Variants in PCDHGB1 observed in about 807,000 individuals in gnomAD.
PCDHGB1 encodes protocadherin gamma subfamily B, 1.
PCDHGB1 carries 34 observed loss-of-function variants against 56.6 expected under a neutral mutation model. That is an observed-to-expected ratio of 0.60 (90% CI 0.46 to 0.80). PCDHGB1 has a LOEUF of 0.80. PCDHGB1 is among the 30% of genes least tolerant of loss of function. The pLI is 0.00. For synonymous variants in PCDHGB1, 561 were observed against 505.9 expected, an observed-to-expected ratio of 1.11 and a Z score of -1.46; for missense variants, 1,278 against 1,204.6, an observed-to-expected ratio of 1.06 and a Z score of -0.90.
intron 1 of PCDHGB1, among the ~76,000 whole-genome samples, chr5:141,435,921 C>T (rs767290430): frequency 1.3e-5 from 2 of 152,186 alleles, no homozygotes; most frequent in Admixed American, 6.5e-5. Context: ...CTCTAAAATG[C>T]GGCAGTTGCT....
At chr5:141,433,848 A>AAC (rs1403081382) in intron 1 of PCDHGB1, among the ~76,000 whole-genome samples, 1 of 151,964 alleles carries the variant, frequency 6.6e-6, no homozygotes, top group South Asian at 2.1e-4. Context: ...AAAAAAAAAA[A>AAC]AAAAAAACTT....
Position 141,486,515 on chromosome 5 carries a change from G to A in PCDHGB1, c.2410-8292G>A. ...AACTATTTTCCTCAATATTTCAGAT[G>A]TGAATGATAATCCACCCTCTTTCTT... On this transcript the variant is annotated intron_variant, in intron 1 of 3. Transcript: ENST00000523390. This position sits in a 1 kb window ranked among gnomAD's most constrained non-coding sequence, Gnocchi z 5.0. 1 of 1,614,172 alleles carries A rather than the reference G, an allele frequency of 6.2e-7. No individual in the cohort carries two copies. The highest frequency in any genetic ancestry group is 8.5e-7 in the Non-Finnish European group (1 of 1,180,026).
intron 1 of PCDHGB1, chr5:141,379,115 T>C (rs1775378962): frequency 6.6e-6 from 1 of 152,230 alleles, no homozygotes; most frequent in African/African-American, 2.4e-5. Context: ...ATTGAGAAGA[T>C]ACCTTGAAAA....
chr5:141,394,729 A>T (rs765609733), intron 1 of PCDHGB1: 44 of 1,613,302 alleles, frequency 2.7e-5, no homozygotes, highest in African/African-American at 4.0e-5. Flanking sequence ...GATGCGCTCA[A>T]GCAGAGCCTC....
chr5:141,429,572 T>C (rs1450720834), intron 1 of PCDHGB1, among the ~76,000 whole-genome samples: 1 of 152,226 alleles, frequency 6.6e-6, no homozygotes, highest in South Asian at 2.1e-4. Context: ...TTCAGTTACA[T>C]TTACTTTTGA....
intron 1 of PCDHGB1, among the ~76,000 whole-genome samples, chr5:141,402,017 A>G (rs1052839882): frequency 2.0e-5 from 3 of 152,210 alleles, no homozygotes; most frequent in African/African-American, 7.2e-5. Flanking sequence ...ATGCATTTGA[A>G]TCATTGAAAC....
chr5:141,366,170 C>A lies in PCDHGB1; in HGVS notation c.2409+13501C>A, dbSNP rs757055364. 12 of 1,614,082 alleles carry A rather than the reference C, an allele frequency of 7.4e-6. No individual in the cohort carries two copies. The South Asian group carries it at 1.1e-4, about 15-fold the overall frequency. On this transcript the variant is annotated intron_variant, in intron 1 of 3. Coordinates refer to ENST00000523390, the MANE Select transcript of PCDHGB1 (RefSeq NM_018922.3). ...CTACCGCCTGCTTAAGGCCAGCGAG[C>A]CAGGACTCTTTGCGGTTGGGCTGCA...
chr5:141,399,497 TACCCGAAAACA>T, intron 1 of PCDHGB1: 2 of 1,614,030 alleles, frequency 1.2e-6, no homozygotes, highest in Non-Finnish European at 1.7e-6. Flanking sequence ...TTAGTCAGTG[TACCCGAAAACA>T]ACCCTCCTGG....
chr5:141,418,848 G>T (rs770294020), intron 1 of PCDHGB1: 1 of 1,613,954 alleles, frequency 6.2e-7, no homozygotes, highest in Non-Finnish European at 8.5e-7. Flanking sequence ...CTCTCAACAC[G>T]GTGTAAAGTA....
intron 1 of PCDHGB1, chr5:141,423,613 GA>G (rs1164845631): frequency 1.9e-6 from 3 of 1,610,782 alleles, no homozygotes; most frequent in Admixed American, 1.7e-5. Context: ...CTTGATAGCT[GA>G]AGACTCAGCT....
chr5:141,470,476 A>G (rs1009129571), intron 1 of PCDHGB1, among the ~76,000 whole-genome samples: 7 of 152,128 alleles, frequency 4.6e-5, no homozygotes, highest in African/African-American at 1.7e-4. Context: ...GATATTACTA[A>G]CCCTCTGGGA....
chr5:141,477,219 G>A lies in PCDHGB1; in HGVS notation c.2410-17588G>A. ...CCAGTACCCGAGGATGCCCCTCTGG[G>A]GACTGTCATCGCTTTGCTCAGTGTG... On this transcript the variant is annotated intron_variant, in intron 1 of 3. Coordinates refer to ENST00000523390, the MANE Select transcript of PCDHGB1 (RefSeq NM_018922.3). The surrounding 1 kb of genome is among the most constrained non-coding windows in gnomAD (Gnocchi z 4.9). 1 of 1,614,162 alleles carries A rather than the reference G, an allele frequency of 6.2e-7. No homozygotes were observed. The highest frequency in any genetic ancestry group is 8.5e-7 in the Non-Finnish European group (1 of 1,180,038).
intron 1 of PCDHGB1, chr5:141,372,829 T>C (rs1769106539): frequency 6.5e-7 from 1 of 1,550,378 alleles, no homozygotes; most frequent in Admixed American, 2.0e-5. Flanking sequence ...TTCAAACCTT[T>C]CCTTCCATAA....
chr5:141,379,268 T>C (rs1775481611), intron 1 of PCDHGB1: 1 of 152,258 alleles, frequency 6.6e-6, no homozygotes, highest in Non-Finnish European at 1.5e-5. Flanking sequence ...GGAATTGTTA[T>C]AGATTTATTT....
chr5:141,471,717 C>T (rs1196344901), intron 1 of PCDHGB1, among the ~76,000 whole-genome samples: 1 of 152,022 alleles, frequency 6.6e-6, no homozygotes, highest in Non-Finnish European at 1.5e-5. Flanking sequence ...GTGCCACTTA[C>T]CAGGTAAGGA....
At position 141,487,362 on chromosome 5, in the gene PCDHGB1, C is replaced by T; in HGVS notation, c.2410-7445C>T. On this transcript the variant is annotated intron_variant, in intron 1 of 3. Transcript: ENST00000523390. The surrounding 1 kb of genome is among the most constrained non-coding windows in gnomAD (Gnocchi z 5.0). The stretch of plus-strand genomic sequence containing the variant: ...GGAGTCACATGCTTTCCTGCTGGCA[C>T]CTGTGCCTGTCTCACCAGATCTCGA... 3 of 1,614,200 alleles carry T rather than the reference C, an allele frequency of 1.9e-6. No homozygotes were observed. Among genetic ancestry groups the T allele is most frequent in the Non-Finnish European group, 2.5e-6 (3 of 1,180,044 alleles).
intron 1 of PCDHGB1, among the ~76,000 whole-genome samples, chr5:141,467,404 C>T (rs1032912609): frequency 1.3e-5 from 2 of 151,864 alleles, no homozygotes; most frequent in African/African-American, 4.8e-5. Context: ...AGTTAGAAAG[C>T]CTTTCCCCAC....
intron 1 of PCDHGB1, chr5:141,357,225 G>A: frequency 1.9e-6 from 3 of 1,613,814 alleles, no homozygotes; most frequent in Non-Finnish European, 2.5e-6. Context: ...TGGCTGACTT[G>A]GGCAGCCTCA....
rs189915173 is a variant in PCDHGB1 at position 141,359,776 on chromosome 5, C to A, written c.2409+7107C>A. On this transcript the variant is annotated intron_variant, in intron 1 of 3. Transcript: ENST00000523390. ...TCTAAAGCAGAGATGAAAGGAAGAA[C>A]CTATGCTGAATGCATCTTTTGAATT... Among the ~76,000 whole-genome samples, 214 of 152,230 alleles carry A rather than the reference C, an allele frequency of 1.4e-3. 1 individual carries two copies. The highest frequency in any genetic ancestry group is 4.8e-3 in the African/African-American group (200 of 41,544).
Sources: allele counts gnomAD v4.1 joint callset (sites outside exome capture counted in the v4.1 genomes callset), GRCh38; gene constraint gnomAD v4.1.1; non-coding constraint Gnocchi (gnomAD v3.1); transcripts MANE v1.5; gene names NCBI Gene and HGNC (gene_info 2026-07-23, HGNC 2026-07-21).